Variants in STAC observed in about 807,000 individuals in gnomAD.
The protein encoded by STAC is SH3 and cysteine-rich domain-containing protein.
Under a neutral mutation model 48.8 loss-of-function variants are expected in STAC, and 43 were observed. That is an observed-to-expected ratio of 0.88 (90% CI 0.69 to 1.14). STAC has a LOEUF of 1.14. STAC is among the 50% of genes most tolerant of loss of function. The pLI is 0.00. For synonymous variants in STAC, 193 were observed against 179.5 expected (o/e 1.07, Z -0.60); for missense variants, 497 against 504.0 (o/e 0.99, Z 0.13).
intron 6 of STAC, among the ~76,000 whole-genome samples, chr3:36,503,086 G>A (rs1698316807): frequency 6.6e-6 from 1 of 152,146 alleles, no homozygotes; most frequent in South Asian, 2.1e-4. Context: ...AGAGCTTTCT[G>A]TGGTGATCCC....
intron 1 of STAC, among the ~76,000 whole-genome samples, chr3:36,392,910 A>T (rs1699783823): frequency 6.6e-6 from 1 of 152,126 alleles, no homozygotes; most frequent in African/African-American, 2.4e-5. Context: ...TGTTGTACAT[A>T]ATCCTTTATG....
chr3:36,542,788 G>T (rs1287919885), intron 10 of STAC, among the ~76,000 whole-genome samples: 1 of 152,146 alleles, frequency 6.6e-6, no homozygotes, highest in Non-Finnish European at 1.5e-5. Flanking sequence ...CCACATTGTT[G>T]ATTTCTCAAT....
rs370262198 is a variant in STAC at position 36,531,550 on chromosome 3, CAG to C, written c.1110+2568_1110+2569del. Among the ~76,000 whole-genome samples, 103 of 152,278 alleles carry C rather than the reference CAG, an allele frequency of 6.8e-4. 1 individual carries two copies. In the East Asian group the frequency reaches 0.016, roughly 24 times the overall value. On this transcript the variant is annotated intron_variant, in intron 10 of 10. Transcript: ENST00000273183. ...ATTCATGGAACCATAGTAAACCAGA[CAG>C]AGTACCAGATGTGATCTAGAGACCT... is the stretch of plus-strand genomic sequence containing the variant.
At position 36,481,181 on chromosome 3, in the gene STAC, G is replaced by A. The variant is rs541258251; in HGVS notation, c.389-1811G>A. ...AGAGCTGAGGAATTAAAGAGCTCGA[G>A]TATTCAAGGAACTATAAGAAGACCA... is the stretch of plus-strand genomic sequence containing the variant. On this transcript the variant is annotated intron_variant, in intron 2 of 10. Coordinates refer to ENST00000273183, the MANE Select transcript of STAC (RefSeq NM_003149.3). Among the ~76,000 whole-genome samples the A allele has an allele frequency of 2.5e-4, 38 of 152,246 alleles. 1 individual carries two copies. The South Asian group carries it at 7.7e-3, about 31-fold the overall frequency.
intron 1 of STAC, among the ~76,000 whole-genome samples, chr3:36,438,585 A>G (rs1048189951): frequency 6.6e-6 from 1 of 152,200 alleles, no homozygotes; most frequent in East Asian, 1.9e-4. Flanking sequence ...TAAGATTCCC[A>G]CTTGAACAAG....
At chr3:36,412,826 A>G (rs1700227553) in intron 1 of STAC, among the ~76,000 whole-genome samples, 5 of 152,264 alleles carry the variant, frequency 3.3e-5, no homozygotes, top group African/African-American at 1.2e-4. Flanking sequence ...TATGTCTTAA[A>G]ATCTGGTTGG....
intron 7 of STAC, 87 bp from the exon 8 acceptor site, chr3:36,505,659 T>A (rs534338835): frequency 1.2e-6 from 1 of 851,540 alleles, no homozygotes; most frequent in Non-Finnish European, 1.9e-6. Flanking sequence ...TACATTGCAA[T>A]GACTTCTCCA....
At chr3:36,424,549 G>C (rs532517124) in intron 1 of STAC, among the ~76,000 whole-genome samples, 2 of 152,076 alleles carry the variant, frequency 1.3e-5, no homozygotes, top group African/African-American at 2.4e-5. Flanking sequence ...AGCAATAAGT[G>C]CATCTAGTGC....
At chr3:36,394,122 G>A (rs764849504) in intron 1 of STAC, among the ~76,000 whole-genome samples, 29 of 152,192 alleles carry the variant, frequency 1.9e-4, no homozygotes, top group Non-Finnish European at 1.2e-4. Context: ...ACTCACCTAC[G>A]GAGAGGTGAG....
chr3:36,382,912 G>T (rs1421695926), intron 1 of STAC, among the ~76,000 whole-genome samples: 1 of 152,162 alleles, frequency 6.6e-6, no homozygotes, highest in East Asian at 1.9e-4. Flanking sequence ...CCATGAAGTG[G>T]TCTTGTTTGT....
chr3:36,489,090 G>T (rs1020534843), intron 5 of STAC, among the ~76,000 whole-genome samples: 1 of 152,138 alleles, frequency 6.6e-6, no homozygotes, highest in Non-Finnish European at 1.5e-5. Context: ...CCCATGCATG[G>T]TGAGTTGCTC....
At chr3:36,453,396 T>G (rs925573254) in intron 2 of STAC, among the ~76,000 whole-genome samples, 2 of 152,088 alleles carry the variant, frequency 1.3e-5, no homozygotes, top group African/African-American at 2.4e-5. Context: ...CGGGCCAGCG[T>G]GAGTTCCGGG....
intron 10 of STAC, among the ~76,000 whole-genome samples, chr3:36,540,646 T>C (rs1699302765): frequency 1.3e-5 from 2 of 152,116 alleles, no homozygotes; most frequent in South Asian, 4.1e-4. Flanking sequence ...CTCTAGAAGC[T>C]GGAAACAGGC....
chr3:36,493,063 T>C (rs955481159), intron 5 of STAC, 88 bp from the exon 6 acceptor site: 33 of 1,287,274 alleles, frequency 2.6e-5, no homozygotes, highest in Non-Finnish European at 3.5e-5. Flanking sequence ...ATGCAAATTC[T>C]ACCTAAGCTC....
At chr3:36,497,935 T>C (rs1396315916) in intron 6 of STAC, among the ~76,000 whole-genome samples, 5 of 152,138 alleles carry the variant, frequency 3.3e-5, no homozygotes, top group Non-Finnish European at 7.4e-5. Context: ...GAAACAAATA[T>C]AAACCCTCTC....
intron 2 of STAC, among the ~76,000 whole-genome samples, chr3:36,478,821 C>A (rs1026033518): frequency 6.6e-6 from 1 of 152,136 alleles, no homozygotes; most frequent in African/African-American, 2.4e-5. Flanking sequence ...TGGAGTTTCA[C>A]CATGTTGCCC....
At chr3:36,448,899 G>C (rs1199461750) in intron 2 of STAC, among the ~76,000 whole-genome samples, 2 of 46,218 alleles carry the variant, frequency 4.3e-5, no homozygotes. Flanking sequence ...GCAAAACAGT[G>C]AACCCCCCCC....
intron 1 of STAC, among the ~76,000 whole-genome samples, chr3:36,420,889 T>C (rs1700434397): frequency 6.6e-6 from 1 of 152,250 alleles, no homozygotes; most frequent in Admixed American, 6.5e-5. Context: ...CAGCCATGTT[T>C]AAATTATTCC....
chr3:36,441,063 A>G (rs1268305691), intron 1 of STAC, among the ~76,000 whole-genome samples: 1 of 152,242 alleles, frequency 6.6e-6, no homozygotes, highest in Non-Finnish European at 1.5e-5. Flanking sequence ...CATATCCATA[A>G]CATCAAACAT....
Sources: gnomAD v4.1 joint callset for allele counts (sites outside exome capture counted in the v4.1 genomes callset) on GRCh38, gnomAD v4.1.1 for gene constraint, MANE v1.5 for transcripts, NCBI Gene and HGNC (gene_info 2026-07-23, HGNC 2026-07-21) for gene names.